TXNRD3: variants seen among roughly 807,000 people sequenced by gnomAD.
TXNRD3 encodes the protein thioredoxin reductase 3.
Under a neutral mutation model 78.2 loss-of-function variants are expected in TXNRD3, and 68 were observed. The ratio of observed to expected loss-of-function variants is 0.87; its 90% confidence interval spans 0.72 to 1.06. The LOEUF is 1.06. TXNRD3 is among the 50% of genes least tolerant of loss of function. The probability of loss-of-function intolerance (pLI) is 0.00; values close to 1 mark genes in which losing one functional copy is unlikely to be tolerated. For synonymous variants in TXNRD3, 296 were observed against 300.1 expected (o/e 0.99, Z 0.14); for missense variants, 751 against 809.5 (o/e 0.93, Z 0.88).
chr3:126,634,076 G>A, intron 6 of TXNRD3, 25 bp from the exon 7 acceptor site: 1 of 1,455,638 alleles, frequency 6.9e-7, no homozygotes, highest in Non-Finnish European at 9.0e-7. Flanking sequence ...TCAGGGTGAA[G>A]ATGTTAGGTG....
At chr3:126,609,704 C>A (rs915879066) in intron 14 of TXNRD3, among the ~76,000 whole-genome samples, 1 of 152,074 alleles carries the variant, frequency 6.6e-6, no homozygotes, top group African/African-American at 2.4e-5. Flanking sequence ...TGGGCGGGAG[C>A]CAGAAGGGTG....
rs1465295317 is a variant in TXNRD3, at chr3:126,608,670, G to A, written c.1729-37C>T. 1.8e-5 allele frequency: 28 copies of A among 1,523,704 alleles called. No homozygotes were observed. In the East Asian group the frequency reaches 5.4e-4, roughly 29 times the overall value. The allele number at this position is 1,523,704 out of a possible 1,614,324, so 94.4% of individuals were successfully genotyped here. ...AAACAAAACAAAGAGAATCCCAGTA[G>A]GTTAATGGTCTGAATATGGATCCAT... On this transcript the variant is annotated intron_variant, in intron 14 of 15. Coordinates refer to ENST00000524230, the MANE Select transcript of TXNRD3 (RefSeq NM_052883.3).
chr3:126,647,287 G>T lies in TXNRD3; in HGVS notation c.253C>A (p.Leu85Ile). Residue 85 changes from leucine to isoleucine, a missense_variant, in exon 2 of 16, where the codon CTC (leucine) becomes ATC (isoleucine). Transcript: ENST00000524230. ...CATTCGACTCCCAAAGAAGAAAAGA[G>T]TTCTTTCACCTGTAAAAAAAATTTA... 1 of 1,535,180 alleles carries T rather than the reference G, an allele frequency of 6.5e-7. No individual in the cohort carries two copies. The highest frequency in any genetic ancestry group is 1.2e-5 in the South Asian group (1 of 83,890).
In TXNRD3 at chr3:126,611,017, C is replaced by T; in HGVS notation, c.1728+20G>A. The T allele has an allele frequency of 7.5e-7, 1 of 1,330,472 alleles. No homozygotes were observed. Among genetic ancestry groups the T allele is most frequent in the South Asian group, 1.6e-5 (1 of 62,898 alleles). The allele number at this position is 1,330,472 out of a possible 1,614,324, so 82.4% of individuals were successfully genotyped here. On this transcript the variant is annotated intron_variant, in intron 14 of 15. Coordinates refer to ENST00000524230, the MANE Select transcript of TXNRD3 (RefSeq NM_052883.3). ...ACATTTAAAAATCACAGCATTTTGGCTTCTAGTGGTATTACATACATGGTC... is the reference window on the plus strand; with the variant it reads ...ACATTTAAAAATCACAGCATTTTGGTTTCTAGTGGTATTACATACATGGTC...
intron 12 of TXNRD3, among the ~76,000 whole-genome samples, chr3:126,616,015 C>T (rs1559770971): frequency 6.6e-6 from 1 of 152,078 alleles, no homozygotes; most frequent in Admixed American, 6.5e-5. Context: ...TGCTAATACA[C>T]CGCAGGGACA....
intron 3 of TXNRD3, 136 bp from the exon 4 acceptor site, chr3:126,644,537 G>A (rs2107626832): frequency 1.5e-6 from 1 of 650,936 alleles, no homozygotes; most frequent in South Asian, 2.3e-5. Flanking sequence ...CTAAGTTGGA[G>A]TTGTAAATTT....
intron 10 of TXNRD3, among the ~76,000 whole-genome samples, chr3:126,628,227 C>G (rs1209404234): frequency 6.6e-6 from 1 of 151,998 alleles, no homozygotes; most frequent in Non-Finnish European, 1.5e-5. Flanking sequence ...TAACAAAACC[C>G]TACAGAAAAC....
intron 6 of TXNRD3, among the ~76,000 whole-genome samples, chr3:126,637,959 T>C (rs1390685085): frequency 1.5e-5 from 2 of 132,572 alleles, no homozygotes; most frequent in Non-Finnish European, 3.2e-5. Context: ...TTTTTTTTTT[T>C]TTTTGAGATG....
At position 126,615,480 on chromosome 3, in the gene TXNRD3, T is replaced by C. The variant is rs770380676; in HGVS notation, c.1525-18A>G. 2.2e-5 allele frequency: 29 copies of C among 1,293,930 alleles called. No individual in the cohort carries two copies. The highest frequency in any genetic ancestry group is 3.7e-4 in the Middle Eastern group (2 of 5,358). 80.2% of individuals were successfully genotyped at this position (1,293,930 alleles called of 1,614,324 possible). On this transcript the variant is annotated intron_variant, in intron 12 of 15. Coordinates refer to ENST00000524230, the MANE Select transcript of TXNRD3 (RefSeq NM_052883.3). Reference sequence around the variant, plus strand: ...TAATCACACTGAAAGACAAACAAATTACATTGTCTTATTTTGTGAAACTTT... The same window carrying C: ...TAATCACACTGAAAGACAAACAAATCACATTGTCTTATTTTGTGAAACTTT...
At chr3:126,646,740 G>A (rs1027966871) in intron 2 of TXNRD3, among the ~76,000 whole-genome samples, 3 of 152,182 alleles carry the variant, frequency 2.0e-5, no homozygotes, top group African/African-American at 4.8e-5. Context: ...GAGGTTCTAT[G>A]AAGGCAGAAA....
intron 9 of TXNRD3, 103 bp from the exon 10 acceptor site, chr3:126,629,574 G>T: frequency 1.2e-6 from 1 of 853,212 alleles, no homozygotes; most frequent in South Asian, 2.0e-5. Context: ...TGTGTTTGGT[G>T]GTGGTACATA....
intron 3 of TXNRD3, 51 bp downstream of exon 3, chr3:126,646,060 T>C: frequency 7.2e-7 from 1 of 1,387,540 alleles, no homozygotes; most frequent in Non-Finnish European, 9.5e-7. Flanking sequence ...TTTAAATACT[T>C]TTTTAAAATA....
At chr3:126,611,155 A>C in intron 13 of TXNRD3, 23 bp from the exon 14 acceptor site, 1 of 1,429,752 alleles carries the variant, frequency 7.0e-7, no homozygotes, top group Non-Finnish European at 9.4e-7. Context: ...AGAGAGAAAA[A>C]GGGCAGAATT....
In TXNRD3 at chr3:126,655,100, ACTCTCACCACCCGCGCG is replaced by A; in HGVS notation, c.-127_-111del. On this transcript the variant is annotated 5_prime_UTR_variant, in exon 1 of 16. Transcript: ENST00000524230. ...GCGGCGAACGCTGCCCTCGCTGGCCACTCTCACCACCCGCGCGAATCCGCGAGGCAGCCGCTCGCCCC... is the reference window on the plus strand; with the variant it reads ...GCGGCGAACGCTGCCCTCGCTGGCCAAATCCGCGAGGCAGCCGCTCGCCCC... 4 of 1,301,246 alleles carry A rather than the reference ACTCTCACCACCCGCGCG, an allele frequency of 3.1e-6. No homozygotes were observed. The highest frequency in any genetic ancestry group is 3.9e-6 in the Non-Finnish European group (4 of 1,024,206). The allele number at this position is 1,301,246 out of a possible 1,614,324, so 80.6% of individuals were successfully genotyped here. A position where few individuals can be genotyped will look rare whatever the true frequency, so the allele number is the denominator to read the frequency against.
chr3:126,655,107 C>A lies in TXNRD3; in HGVS notation c.-117G>T. 1 of 1,297,602 alleles carries A rather than the reference C, an allele frequency of 7.7e-7. No individual in the cohort carries two copies. The highest frequency in any genetic ancestry group is 9.8e-7 in the Non-Finnish European group (1 of 1,021,750). 80.4% of individuals were successfully genotyped at this position (1,297,602 alleles called of 1,614,324 possible). On this transcript the variant is annotated 5_prime_UTR_variant, in exon 1 of 16. Coordinates refer to ENST00000524230, the MANE Select transcript of TXNRD3 (RefSeq NM_052883.3). ...ACGCTGCCCTCGCTGGCCACTCTCA[C>A]CACCCGCGCGAATCCGCGAGGCAGC...
chr3:126,632,424 C>T (rs191943270), intron 7 of TXNRD3, among the ~76,000 whole-genome samples: 50 of 151,666 alleles, frequency 3.3e-4, no homozygotes, highest in African/African-American at 1.2e-3. Flanking sequence ...TTTGGGAGGC[C>T]GAGGAAGGCA....
intron 13 of TXNRD3, among the ~76,000 whole-genome samples, chr3:126,614,071 T>C (rs986071672): frequency 9.9e-5 from 15 of 152,206 alleles, no homozygotes; most frequent in African/African-American, 3.6e-4. Flanking sequence ...TGTGTGTTTG[T>C]GTCTTCATTT....
At chr3:126,651,339 T>C (rs760213632) in intron 1 of TXNRD3, among the ~76,000 whole-genome samples, 3 of 152,188 alleles carry the variant, frequency 2.0e-5, no homozygotes, top group Admixed American at 6.5e-5. Flanking sequence ...CCTCCAAGAA[T>C]GAATAAATAT....
intron 12 of TXNRD3, among the ~76,000 whole-genome samples, chr3:126,618,532 C>T (rs927481242): frequency 6.6e-6 from 1 of 152,004 alleles, no homozygotes; most frequent in African/African-American, 2.4e-5. Context: ...TGAAACTGTA[C>T]CTCTATATCT....
Sources: gnomAD v4.1 joint callset for allele counts (sites outside exome capture counted in the v4.1 genomes callset) on GRCh38, gnomAD v4.1.1 for gene constraint, MANE v1.5 for transcripts, NCBI Gene and HGNC (gene_info 2026-07-23, HGNC 2026-07-21) for gene names.